The following SLC17A1 variants were observed in gnomAD, a reference collection of about 807,000 sequenced individuals.
SLC17A1 encodes the protein solute carrier family 17 member 1.
Under a neutral mutation model 53.5 loss-of-function variants are expected in SLC17A1, and 51 were observed. That is an observed-to-expected ratio of 0.95 (90% CI 0.76 to 1.20). The LOEUF is 1.20. Among genes scored for constraint, SLC17A1 ranks in the 50% most tolerant of loss-of-function variants. SLC17A1 has a pLI of 0.00. For synonymous variants in SLC17A1, 179 were observed against 198.8 expected (o/e 0.90, Z 0.84); for missense variants, 538 against 568.2 (o/e 0.95, Z 0.54).
At chr6:25,748,536 G>T in the SLC17A1 span, among the ~76,000 whole-genome samples, 1 of 152,146 alleles carries the variant, frequency 6.6e-6, no homozygotes, top group Non-Finnish European at 1.5e-5. Context: ...CAGGTGGGAC[G>T]AGAGACTGAG....
At chr6:25,827,113 A>C (rs1458197807) in intron 2 of SLC17A1, among the ~76,000 whole-genome samples, 1 of 152,178 alleles carries the variant, frequency 6.6e-6, no homozygotes, top group Admixed American at 6.5e-5. Context: ...GTTGGTGTAC[A>C]GCCAAACAAG....
chr6:25,797,811 G>T (rs1425243733), intron 12 of SLC17A1, among the ~76,000 whole-genome samples: 5 of 151,994 alleles, frequency 3.3e-5, no homozygotes, highest in Admixed American at 6.6e-5. Context: ...TCTTGGCCAG[G>T]CTGGTCTTGA....
At chr6:25,820,154 C>G (rs1273551438) in intron 3 of SLC17A1, among the ~76,000 whole-genome samples, 1 of 152,180 alleles carries the variant, frequency 6.6e-6, no homozygotes, top group African/African-American at 2.4e-5. Flanking sequence ...GTACCTCCCT[C>G]CAGTACCTTT....
the SLC17A1 span, among the ~76,000 whole-genome samples, chr6:25,749,625 C>T: frequency 6.6e-6 from 1 of 152,028 alleles, no homozygotes; most frequent in East Asian, 1.9e-4. Flanking sequence ...AATTTATAGG[C>T]AGTTCAGATC....
chr6:25,786,187 T>C (rs2151473045), intron 12 of SLC17A1, among the ~76,000 whole-genome samples: 1 of 152,330 alleles, frequency 6.6e-6, no homozygotes, highest in African/African-American at 2.4e-5. Flanking sequence ...ATGAGTGAAC[T>C]TTGAAAACAT....
chr6:25,762,116 G>T, the SLC17A1 span: 1 of 1,431,484 alleles, frequency 7.0e-7, no homozygotes, highest in South Asian at 1.3e-5. Context: ...TGTAACTTGT[G>T]GTACTAAATA....
the SLC17A1 span, chr6:25,731,672 A>C: frequency 4.2e-6 from 3 of 709,554 alleles, no homozygotes; most frequent in Non-Finnish European, 6.4e-6. Context: ...CAGTCTGGCA[A>C]CGAGGCATAC....
chr6:25,728,543 C>T, the SLC17A1 span, among the ~76,000 whole-genome samples: 2 of 152,134 alleles, frequency 1.3e-5, no homozygotes, highest in African/African-American at 2.4e-5. Context: ...CCGGCCGGCG[C>T]GGTGGCTCAC....
chr6:25,816,254 A>G (rs1007330191), intron 6 of SLC17A1, among the ~76,000 whole-genome samples: 7 of 152,256 alleles, frequency 4.6e-5, no homozygotes, highest in South Asian at 2.1e-4. Context: ...CCACCTCACT[A>G]GGTACTTTGA....
At chr6:25,807,451 C>T (rs1011480764) in intron 10 of SLC17A1, among the ~76,000 whole-genome samples, 5 of 151,946 alleles carry the variant, frequency 3.3e-5, no homozygotes, top group South Asian at 2.1e-4. Context: ...AACCAAATGC[C>T]GTATGTTTTT....
chr6:25,822,655 T>G (rs1764604852), intron 3 of SLC17A1, among the ~76,000 whole-genome samples: 1 of 152,168 alleles, frequency 6.6e-6, no homozygotes, highest in African/African-American at 2.4e-5. Flanking sequence ...CCTCCTCTTT[T>G]AGAGCCATAG....
intron 12 of SLC17A1, among the ~76,000 whole-genome samples, chr6:25,798,072 C>G (rs1470861310): frequency 6.6e-6 from 1 of 152,148 alleles, no homozygotes; most frequent in Non-Finnish European, 1.5e-5. Context: ...GTTGTTTCAT[C>G]AGAAGGTATA....
the SLC17A1 span, chr6:25,726,833 A>C: frequency 9.3e-6 from 14 of 1,499,868 alleles, no homozygotes; most frequent in Non-Finnish European, 1.3e-5. Flanking sequence ...TTAATACTGA[A>C]GAGCTGTTGA....
the SLC17A1 span, chr6:25,773,222 A>G: frequency 7.2e-7 from 1 of 1,380,276 alleles, no homozygotes; most frequent in Non-Finnish European, 1.0e-6. Context: ...TTAGAGTCAA[A>G]CTGAAAGAAG....
intron 7 of SLC17A1, 43 bp from the exon 8 acceptor site, chr6:25,813,035 G>A: frequency 6.2e-7 from 1 of 1,610,974 alleles, no homozygotes; most frequent in Middle Eastern, 1.7e-4. Context: ...AGAACAAACT[G>A]GAACATGTTT....
At chr6:25,796,474 T>C (rs1264214805) in intron 12 of SLC17A1, among the ~76,000 whole-genome samples, 2 of 152,006 alleles carry the variant, frequency 1.3e-5, no homozygotes, top group Non-Finnish European at 2.9e-5. Flanking sequence ...GGTGTAGTGT[T>C]GCATGCCTAT....
At chr6:25,776,870 C>A in the SLC17A1 span, 1 of 1,613,986 alleles carries the variant, frequency 6.2e-7, no homozygotes, top group Admixed American at 1.7e-5. Flanking sequence ...CCAGCCACAG[C>A]ATGACCATGA....
At chr6:25,724,990 T>TA in the SLC17A1 span, among the ~76,000 whole-genome samples, 1 of 103,312 alleles carries the variant, frequency 9.7e-6, no homozygotes, top group African/African-American at 3.5e-5. Context: ...ATCAAGTGTT[T>TA]AGCAGTTTTT....
downstream of SLC17A1, chr6:25,779,188 A>T: frequency 6.2e-7 from 1 of 1,613,438 alleles, no homozygotes. Context: ...CCCACCTCTG[A>T]GCAAACCGAG....
Sources: gnomAD v4.1 joint callset for allele counts (sites outside exome capture counted in the v4.1 genomes callset) on GRCh38, gnomAD v4.1.1 for gene constraint, MANE v1.5 for transcripts, NCBI Gene and HGNC (gene_info 2026-07-23, HGNC 2026-07-21) for gene names.